Variants in CIT observed in about 807,000 individuals in gnomAD.
CIT encodes the protein citron rho-interacting serine/threonine kinase, also known as citron Rho-interacting kinase.
Under a neutral mutation model 272.7 loss-of-function variants are expected in CIT, and 79 were observed. That is an observed-to-expected ratio of 0.29 (90% CI 0.24 to 0.35). The LOEUF (loss-of-function observed/expected upper bound fraction) is 0.35, where lower values mean the gene tolerates loss of function less well. CIT is among the 10% of genes least tolerant of loss of function. The pLI is 1.00. For synonymous variants in CIT, 948 were observed against 995.6 expected (o/e 0.95, Z 0.90); for missense variants, 1,909 against 2,618.3 (o/e 0.73, Z 5.91).
chr12:119,719,585 G>C (rs1478589478), intron 30 of CIT, among the ~76,000 whole-genome samples: 1 of 152,190 alleles, frequency 6.6e-6, no homozygotes, highest in East Asian at 1.9e-4. Flanking sequence ...CGTCTAGTGG[G>C]AGGCGGCCTC....
In CIT at chr12:119,774,037, A is replaced by T. The variant is rs568683561; in HGVS notation, c.1942-1127T>A. On this transcript the variant is annotated intron_variant, in intron 16 of 47. Transcript: ENST00000392521. ...CAACTTTAGGACATTACGCTAAATG[A>T]AAGAAGCCAGTCACAAAAGGACAAA... 3.9e-5 allele frequency among the ~76,000 whole-genome samples: 6 copies of T among 152,354 alleles called. No individual in the cohort carries two copies. The South Asian group carries it at 1.2e-3, about 32-fold the overall frequency.
Position 119,709,742 on chromosome 12 carries a change from A to C in CIT, c.5071+509T>G, listed in dbSNP as rs1225135370. Among the ~76,000 whole-genome samples the C allele has an allele frequency of 3.4e-5, 5 of 148,208 alleles. No homozygotes were observed. The South Asian group carries it at 8.5e-4, about 25-fold the overall frequency. ...AGAACTTGGCGTCATACCTGCAACT[A>C]ACTCTCAAATGGTTCAGGAAAGAGA... On this transcript the variant is annotated intron_variant, in intron 39 of 47. Transcript: ENST00000392521.
intron 23 of CIT, among the ~76,000 whole-genome samples, chr12:119,751,717 TA>T (rs1960289016): frequency 6.6e-6 from 1 of 151,714 alleles, no homozygotes; most frequent in South Asian, 2.1e-4. Context: ...TATTGAAAAC[TA>T]AAGTAGAAAG....
At position 119,825,359 on chromosome 12, in the gene CIT, T is replaced by C. The variant is rs200560668; in HGVS notation, c.763A>G (p.Lys255Glu). 5.6e-6 allele frequency: 9 copies of C among 1,613,988 alleles called. No homozygotes were observed. The East Asian group carries it at 1.8e-4, about 32-fold the overall frequency. The stretch of plus-strand genomic sequence containing the variant: ...TAATCTGGGGTCCCAATCGGGAGTT[T>C]GGCATTCACCTAGAATCCCATCAAT... ...KMNSNKMVNA[K>E]LPIGTPDYMA... The change falls in exon 8 of 48, where the codon AAA (lysine) becomes GAA (glutamate). Residue 255 changes from lysine (K) to glutamate (E), a missense_variant. This residue lies in a region of CIT where 529 missense variants were observed against 549.6 expected (regional missense o/e 0.96). Transcript: ENST00000392521.
At chr12:119,833,974 G>C (rs932532464) in intron 6 of CIT, 112 bp downstream of exon 6, 2 of 1,136,016 alleles carry the variant, frequency 1.8e-6, no homozygotes, top group African/African-American at 3.1e-5. Flanking sequence ...CTAAAAACTG[G>C]ATGGGGCGTT....
intron 5 of CIT, among the ~76,000 whole-genome samples, chr12:119,844,420 A>G (rs1045512099): frequency 6.6e-6 from 1 of 152,174 alleles, no homozygotes; most frequent in Non-Finnish European, 1.5e-5. Context: ...GGGAAGTCAC[A>G]CTAAAGGGAA....
chr12:119,837,769 G>A (rs182795001), intron 5 of CIT, among the ~76,000 whole-genome samples: 4 of 152,286 alleles, frequency 2.6e-5, no homozygotes, highest in East Asian at 1.9e-4. Context: ...CACCAGAAGT[G>A]CTTGTTAAAA....
At chr12:119,739,307 C>A (rs1184919263) in intron 24 of CIT, among the ~76,000 whole-genome samples, 2 of 152,170 alleles carry the variant, frequency 1.3e-5, no homozygotes, top group Admixed American at 6.5e-5. Context: ...TAAATGTCTT[C>A]AAAATATAGA....
chr12:119,787,494 G>A (rs1440388174), intron 10 of CIT, among the ~76,000 whole-genome samples: 1 of 151,258 alleles, frequency 6.6e-6, no homozygotes, highest in Non-Finnish European at 1.5e-5. Context: ...CACTTTGGGG[G>A]GCCGAGGCAA....
At chr12:119,823,395 G>A (rs760904082) in intron 8 of CIT, among the ~76,000 whole-genome samples, 6 of 152,204 alleles carry the variant, frequency 3.9e-5, no homozygotes, top group East Asian at 1.9e-4. Flanking sequence ...CACACAATGC[G>A]CTGTGATTTC....
chr12:119,726,851 G>C (rs1038305279), intron 28 of CIT, among the ~76,000 whole-genome samples: 8 of 152,162 alleles, frequency 5.3e-5, no homozygotes, highest in Admixed American at 5.2e-4. Context: ...TCAGAGTTCT[G>C]TGAAAAGGTA....
chr12:119,822,706 A>T, intron 9 of CIT, 114 bp downstream of exon 9: 2 of 1,101,274 alleles, frequency 1.8e-6, no homozygotes, highest in Non-Finnish European at 2.6e-6. Context: ...GTAGATAATT[A>T]AAGCCTTTAT....
intron 9 of CIT, among the ~76,000 whole-genome samples, chr12:119,818,917 C>T (rs1326276711): frequency 2.0e-5 from 3 of 152,126 alleles, no homozygotes; most frequent in Non-Finnish European, 4.4e-5. Context: ...CAGTACCAGA[C>T]AGCAAAACTT....
In CIT at chr12:119,697,982, G is replaced by A; in HGVS notation, c.5696C>T (p.Ser1899Leu). The part of the protein sequence containing the change: ...LEVIEIQARS[S>L]AGTPARAYLD... The stretch of plus-strand genomic sequence containing the variant: ...ATGGGAGGACAATGCTTACCCTGCT[G>A]AGGAGCGTGCCTGGATCTCAATTAC... Residue 1899 changes from serine (S) to leucine (L), a missense_variant, in exon 45 of 48, where the codon TCA becomes TTA. Around this residue, in one of 8 missense-constraint regions of CIT, gnomAD observed 780 missense variants for 1,067.2 expected, o/e 0.73. Transcript: ENST00000392521. This position sits in a 1 kb window ranked among gnomAD's most constrained non-coding sequence, Gnocchi z 4.9. The A allele has an allele frequency of 3.1e-6, 5 of 1,614,184 alleles. No individual in the cohort carries two copies. Among genetic ancestry groups the A allele is most frequent in the Non-Finnish European group, 4.2e-6 (5 of 1,180,014 alleles).
rs778560308 is a variant in CIT at position 119,708,227 on chromosome 12, G to A, written c.5163C>T (p.Pro1721=). 2 of 1,606,462 alleles carry A rather than the reference G, an allele frequency of 1.2e-6. No individual in the cohort carries two copies. The highest frequency in any genetic ancestry group is 1.7e-6 in the Non-Finnish European group (2 of 1,176,860). Residue 1721 remains proline (P), a synonymous_variant, in exon 40 of 48, where the codon CCC becomes CCT. Transcript: ENST00000392521. ...AGCCCTTGACAGCTTCAAAAATGTT[G>A]GGTGAGATGTCGGGCTGGGCAGGCA... ...SHLPAQPDIS[P]NIFEAVKGCH... is the part of the protein sequence containing the mutation.
chr12:119,735,407 T>C, intron 24 of CIT, 50 bp from the exon 25 acceptor site: 1 of 1,577,416 alleles, frequency 6.3e-7, no homozygotes, highest in Non-Finnish European at 8.7e-7. Context: ...TCATTTCAAA[T>C]AAGAAATTGC....
At chr12:119,828,051 C>T (rs577817664) in intron 7 of CIT, among the ~76,000 whole-genome samples, 1 of 152,260 alleles carries the variant, frequency 6.6e-6, no homozygotes, top group Admixed American at 6.5e-5. Flanking sequence ...CCCAGCCAAA[C>T]AGTATGAATT....
chr12:119,717,501 A>G (rs138413234), intron 32 of CIT, among the ~76,000 whole-genome samples: 7,115 of 142,682 alleles, frequency 0.05, 366 homozygotes, highest in African/African-American at 0.13. Context: ...GCTCACTGCA[A>G]CCTCCACCTC....
rs203344 is a variant in CIT, at chr12:119,795,526, C to A, written c.1295+7680G>T. ...GTAAAATAATGAGTTATTGCTGGGT[C>A]TACATGAGAATGCTTGTCAGGCACT... is the stretch of plus-strand genomic sequence containing the variant. On this transcript the variant is annotated intron_variant, in intron 10 of 47. Coordinates refer to ENST00000392521, the MANE Select transcript of CIT (RefSeq NM_001206999.2). Among the ~76,000 whole-genome samples the A allele has an allele frequency of 8.3e-3, 1,261 of 152,274 alleles. 18 individuals carry two copies. The highest frequency in any genetic ancestry group is 0.029 in the African/African-American group (1,196 of 41,544).
Sources: gnomAD v4.1 joint callset for allele counts (sites outside exome capture counted in the v4.1 genomes callset) on GRCh38, gnomAD v4.1.1 for gene constraint, gnomAD v4.1.1 regional missense constraint, Gnocchi (gnomAD v3.1) non-coding constraint, MANE v1.5 for transcripts, NCBI Gene and HGNC (gene_info 2026-07-23, HGNC 2026-07-21) for gene names.